Variants in TPST2 observed in about 807,000 individuals in gnomAD.
TPST2 encodes protein-tyrosine sulfotransferase 2.
Under a neutral mutation model 27.8 loss-of-function variants are expected in TPST2, and 16 were observed. The observed-to-expected ratio is 0.58, with a 90% confidence interval of 0.39 to 0.88. The LOEUF (loss-of-function observed/expected upper bound fraction) is 0.88. TPST2 is among the 40% of genes least tolerant of loss of function. TPST2 has a pLI of 0.00. For missense variants in TPST2, 464 were observed against 543.1 expected (o/e 0.85, Z 1.45); for synonymous variants, 229 against 231.7 (o/e 0.99, Z 0.10).
intron 1 of TPST2, among the ~76,000 whole-genome samples, chr22:26,576,134 G>C (rs1927825736): frequency 6.6e-6 from 1 of 152,142 alleles, no homozygotes; most frequent in South Asian, 2.1e-4. Flanking sequence ...ACACAGACAT[G>C]AACCTGGGAC....
At chr22:26,550,711 C>A (rs1926421213) in intron 1 of TPST2, 1 of 961,310 alleles carries the variant, frequency 1.0e-6, no homozygotes, top group African/African-American at 1.8e-5. Context: ...CCCAACCCTA[C>A]CAGACCACGC....
chr22:26,541,051 T>G lies in TPST2; in HGVS notation c.580A>C (p.Thr194Pro). ...AAGCCCGCAATGGTGACTTTGCGCG[T>G]GATCATGGAGTGCACGGAGGCCCGG... ...DGRASVHSMI[T>P]RKVTIAGFDL... Residue 194 changes from threonine (T) to proline (P), a missense_variant, in exon 3 of 7, where the codon ACG (threonine) becomes CCG (proline). By Grantham distance (38) the Thr-to-Pro change is conservative. Transcript: ENST00000338754. This position sits in a 1 kb window ranked among gnomAD's most constrained non-coding sequence, Gnocchi z 5.9. The G allele has an allele frequency of 6.2e-7, 1 of 1,613,800 alleles. No homozygotes were observed.
chr22:26,550,213 GCGGGGCC>G (rs1184806544), intron 1 of TPST2, among the ~76,000 whole-genome samples: 4 of 152,070 alleles, frequency 2.6e-5, no homozygotes, highest in Non-Finnish European at 5.9e-5. Context: ...AGTACCATGT[GCGGGGCC>G]CTGCTCAAGA....
intron 1 of TPST2, among the ~76,000 whole-genome samples, chr22:26,566,535 G>C (rs1279103638): frequency 6.6e-6 from 1 of 151,112 alleles, no homozygotes; most frequent in Non-Finnish European, 1.5e-5. Context: ...CTTGGTGACA[G>C]AGCAAGACTC....
chr22:26,559,689 T>C (rs1300957323), intron 1 of TPST2, among the ~76,000 whole-genome samples: 1 of 152,206 alleles, frequency 6.6e-6, no homozygotes, highest in Non-Finnish European at 1.5e-5. Context: ...CTTAGCACAC[T>C]CTGTTCAAGG....
chr22:26,534,666 C>A (rs895808081), intron 4 of TPST2, among the ~76,000 whole-genome samples: 1 of 152,246 alleles, frequency 6.6e-6, no homozygotes, highest in Non-Finnish European at 1.5e-5. Context: ...CAGCCCACTA[C>A]TGCAGTGTCC....
intron 1 of TPST2, among the ~76,000 whole-genome samples, chr22:26,566,626 C>T (rs965733995): frequency 6.6e-6 from 1 of 151,944 alleles, no homozygotes; most frequent in Non-Finnish European, 1.5e-5. Context: ...GTAGCAGGCG[C>T]CTGTAATCCC....
Position 26,540,976 on chromosome 22 carries a change from C to T in TPST2, c.655G>A (p.Glu219Lys), listed in dbSNP as rs1363743226. 3.1e-6 allele frequency: 5 copies of T among 1,614,170 alleles called. No homozygotes were observed. The highest frequency in any genetic ancestry group is 4.5e-5 in the East Asian group (2 of 44,874). ...DCLTKWNKAI[E>K]VMYAQCMEVG... ...TCCATGCACTGGGCGTACATCACCT[C>T]GATGGCCTTGTTCCACTTGGTGAGG... The change falls in exon 3 of 7, where the codon GAG (glutamate) becomes AAG (lysine). Residue 219 changes from glutamate (E) to lysine (K), a missense_variant. Transcript: ENST00000338754.
intron 4 of TPST2, among the ~76,000 whole-genome samples, chr22:26,534,948 G>C (rs544535856): frequency 8.9e-4 from 136 of 152,264 alleles, no homozygotes; most frequent in Non-Finnish European, 1.8e-3. Flanking sequence ...TATGTACGTT[G>C]AATCTCTGAG....
At chr22:26,578,313 C>T (rs1656186744) in intron 1 of TPST2, among the ~76,000 whole-genome samples, 1 of 152,264 alleles carries the variant, frequency 6.6e-6, no homozygotes, top group South Asian at 2.1e-4. Flanking sequence ...CCTCTACTAC[C>T]CCAGCTCTCA....
intron 1 of TPST2, among the ~76,000 whole-genome samples, chr22:26,567,934 C>A (rs1448985425): frequency 1.3e-5 from 2 of 152,146 alleles, no homozygotes; most frequent in African/African-American, 4.8e-5. Flanking sequence ...TGTAATGCAA[C>A]CAGAACTTTC....
chr22:26,578,419 G>C (rs148497829), intron 1 of TPST2, among the ~76,000 whole-genome samples: 5 of 152,184 alleles, frequency 3.3e-5, no homozygotes, highest in Non-Finnish European at 1.5e-5. Context: ...GGGAACTCTG[G>C]AAGTGGGGTA....
rs1924709983 is a variant in TPST2, at chr22:26,524,324, A to T, written c.*1951T>A. 1 of 152,060 alleles carries T rather than the reference A, an allele frequency of 6.6e-6. No homozygotes were observed. Among genetic ancestry groups the T allele is most frequent in the African/African-American group, 2.4e-5 (1 of 41,380 alleles). 9.4% of individuals were successfully genotyped at this position (152,060 alleles called of 1,614,324 possible). A position where few individuals can be genotyped will look rare whatever the true frequency, so the allele number is the denominator to read the frequency against. On this transcript the variant is annotated 3_prime_UTR_variant, in exon 7 of 7. Transcript: ENST00000338754. ...ACCCATGAAGTTCAGCCTGAACAGC[A>T]TAGAAAGACCTCGTCTCTACAGAAA...
Position 26,523,173 on chromosome 22 carries a change from A to G in TPST2, c.*3102T>C, listed in dbSNP as rs1924647518. The G allele has an allele frequency of 1.3e-5, 2 of 148,812 alleles. No individual in the cohort carries two copies. The highest frequency in any genetic ancestry group is 3.0e-5 in the Non-Finnish European group (2 of 66,928). 9.2% of individuals were successfully genotyped at this position (148,812 alleles called of 1,614,324 possible). On this transcript the variant is annotated 3_prime_UTR_variant, in exon 7 of 7. Coordinates refer to ENST00000338754, the MANE Select transcript of TPST2 (RefSeq NM_003595.5). The stretch of plus-strand genomic sequence containing the variant: ...CACTGCACTGCAGCCTGAGCAACCA[A>G]GCGGGACTCTGTCTCCAAAACAAAC...
intron 1 of TPST2, among the ~76,000 whole-genome samples, chr22:26,574,901 G>A (rs1014814012): frequency 4.6e-5 from 7 of 152,198 alleles, no homozygotes; most frequent in Admixed American, 6.5e-5. Context: ...CACTCTTGGA[G>A]GGGCTGCATG....
chr22:26,576,626 T>C (rs1407174235), intron 1 of TPST2, among the ~76,000 whole-genome samples: 1 of 151,962 alleles, frequency 6.6e-6, no homozygotes, highest in Non-Finnish European at 1.5e-5. Flanking sequence ...GAATTGTCTT[T>C]GTGGAGGAGG....
At position 26,570,041 on chromosome 22, in the gene TPST2, A is replaced by AAGAC. The variant is rs1208079389; in HGVS notation, c.-161+20008_-161+20011dup. 2.4e-4 allele frequency among the ~76,000 whole-genome samples: 25 copies of AAGAC among 103,386 alleles called. 1 individual carries two copies. Among genetic ancestry groups the AAGAC allele is most frequent in the Non-Finnish European group, 3.8e-4 (19 of 50,420 alleles). The allele number at this position is 103,386 out of a possible 152,430, so 67.8% of individuals were successfully genotyped here. A position where few individuals can be genotyped will look rare whatever the true frequency, so the allele number is the denominator to read the frequency against. ...AAAGAAAGAAAGAAAGAAAGAAAGA[A>AAGAC]AGACAGAAAGAAAGAAAGAAAGAAG... On this transcript the variant is annotated intron_variant, in intron 1 of 6. Coordinates refer to ENST00000338754, the MANE Select transcript of TPST2 (RefSeq NM_003595.5).
At chr22:26,581,015 TACATACACACACACACACAC>T (rs1166566631) in intron 1 of TPST2, among the ~76,000 whole-genome samples, 1 of 39,668 alleles carries the variant, frequency 2.5e-5, no homozygotes, top group African/African-American at 8.9e-5. Flanking sequence ...ACCCTCAACA[TACATACACACACACACACAC>T]ACACACACAC....
intron 3 of TPST2, among the ~76,000 whole-genome samples, chr22:26,538,420 A>G (rs999562502): frequency 2.0e-5 from 3 of 152,244 alleles, no homozygotes; most frequent in African/African-American, 7.2e-5. Context: ...AATGAGGGCA[A>G]TGCTTGATAC....
Sources: allele counts gnomAD v4.1 joint callset (sites outside exome capture counted in the v4.1 genomes callset), GRCh38; gene constraint gnomAD v4.1.1; non-coding constraint Gnocchi (gnomAD v3.1); transcripts MANE v1.5; gene names NCBI Gene and HGNC (gene_info 2026-07-23, HGNC 2026-07-21).